Variants in CFAP77 observed in about 807,000 individuals in gnomAD.
CFAP77 encodes cilia- and flagella-associated protein 77.
Under a neutral mutation model 31.1 loss-of-function variants are expected in CFAP77, and 25 were observed. That is an observed-to-expected ratio of 0.80 (90% CI 0.59 to 1.12). The LOEUF (loss-of-function observed/expected upper bound fraction) is 1.12, where lower values mean the gene tolerates loss of function less well. CFAP77 is among the 50% of genes most tolerant of loss of function. The pLI is 0.00. For synonymous variants in CFAP77, 151 were observed against 159.9 expected (o/e 0.94, Z 0.42); for missense variants, 377 against 397.3 (o/e 0.95, Z 0.44).
At chr9:132,550,821 G>A (rs1852810504) in intron 5 of CFAP77, among the ~76,000 whole-genome samples, 1 of 152,120 alleles carries the variant, frequency 6.6e-6, no homozygotes, top group East Asian at 1.9e-4. Flanking sequence ...ACCTGACATG[G>A]TGCCATCTGA....
chr9:132,537,094 G>A (rs1205606568), intron 3 of CFAP77, among the ~76,000 whole-genome samples: 1 of 152,272 alleles, frequency 6.6e-6, no homozygotes, highest in East Asian at 1.9e-4. Context: ...CAGAAGTGGG[G>A]ATGTTTAGCT....
intron 3 of CFAP77, among the ~76,000 whole-genome samples, chr9:132,530,790 G>GT (rs201872310): frequency 0.015 from 2,290 of 152,204 alleles, 54 homozygotes; most frequent in African/African-American, 0.053. Context: ...CAATTTATCA[G>GT]TTTTTTTCTT....
At position 132,424,415 on chromosome 9, in the gene CFAP77, AAG is replaced by A. The variant is rs1333376381; in HGVS notation, c.195+13952_195+13953del. On this transcript the variant is annotated intron_variant, in intron 1 of 5. Coordinates refer to ENST00000393216, the MANE Select transcript of CFAP77 (RefSeq NM_001282957.2). This position sits in a 1 kb window ranked among gnomAD's most constrained non-coding sequence, Gnocchi z 4.1. ...AGACTCCATCTCAAAACAAAAAAAAAAGAGTTAGGAAGAGGGAGCAGCCCTGG... is the reference window on the plus strand; with the variant it reads ...AGACTCCATCTCAAAACAAAAAAAAAAGTTAGGAAGAGGGAGCAGCCCTGG... 6.6e-6 allele frequency among the ~76,000 whole-genome samples: 1 copy of A among 152,074 alleles called. No individual in the cohort carries two copies. Among genetic ancestry groups the A allele is most frequent in the Non-Finnish European group, 1.5e-5 (1 of 67,986 alleles).
chr9:132,534,071 G>A (rs1037165503), intron 3 of CFAP77, among the ~76,000 whole-genome samples: 8 of 152,010 alleles, frequency 5.3e-5, no homozygotes, highest in African/African-American at 1.7e-4. Context: ...GATAACTGGG[G>A]TCAATTTTAT....
chr9:132,452,761 C>T (rs12003350), intron 1 of CFAP77, among the ~76,000 whole-genome samples: 1 of 152,126 alleles, frequency 6.6e-6, no homozygotes, highest in South Asian at 2.1e-4. Context: ...GATGGGGTGC[C>T]TCATGCAGCA....
chr9:132,435,392 T>C (rs1020916020), intron 1 of CFAP77, among the ~76,000 whole-genome samples: 3 of 152,244 alleles, frequency 2.0e-5, no homozygotes, highest in Non-Finnish European at 4.4e-5. Flanking sequence ...CATTCATCAC[T>C]GCTCTGCCCA....
chr9:132,499,524 A>G lies in CFAP77; in HGVS notation c.448A>G (p.Ser150Gly), dbSNP rs891275054. ...LYRQLNDIRI[S>G]DQDDRRMKKE... is the part of the protein sequence containing the mutation. ...CCGTCAGCTCAATGACATCCGCATC[A>G]GTGACCAGGATGACCGGCGCATGAA... Residue 150 changes from serine to glycine, a missense_variant, in exon 3 of 6, where the codon AGT (serine) becomes GGT (glycine). Physicochemically the swap from Ser to Gly is moderately conservative, Grantham distance 56. Transcript: ENST00000393216. This position sits in a 1 kb window ranked among gnomAD's most constrained non-coding sequence, Gnocchi z 5.4. 1.2e-6 allele frequency: 2 copies of G among 1,614,070 alleles called. No individual in the cohort carries two copies. Among genetic ancestry groups the G allele is most frequent in the Admixed American group, 3.3e-5 (2 of 60,016 alleles).
At chr9:132,520,343 T>G (rs540006358) in intron 3 of CFAP77, among the ~76,000 whole-genome samples, 7 of 152,250 alleles carry the variant, frequency 4.6e-5, no homozygotes, top group Non-Finnish European at 7.4e-5. Flanking sequence ...GGGTATCCAA[T>G]GAAGATATAG....
At chr9:132,462,290 T>C (rs1851064758) in intron 1 of CFAP77, among the ~76,000 whole-genome samples, 1 of 151,936 alleles carries the variant, frequency 6.6e-6, no homozygotes, top group South Asian at 2.1e-4. Flanking sequence ...TCTAAGTACG[T>C]GCAAGTGGTC....
At chr9:132,422,999 C>A (rs906528749) in intron 1 of CFAP77, among the ~76,000 whole-genome samples, 1 of 152,146 alleles carries the variant, frequency 6.6e-6, no homozygotes, top group African/African-American at 2.4e-5. Flanking sequence ...CGCCGCGCTC[C>A]GTATTTTCAC....
At chr9:132,470,027 C>T (rs1023496849) in intron 1 of CFAP77, among the ~76,000 whole-genome samples, 4 of 151,934 alleles carry the variant, frequency 2.6e-5, no homozygotes, top group African/African-American at 4.8e-5. Flanking sequence ...TTAGTAGAGA[C>T]GGGGTTTCTC....
chr9:132,471,945 G>A (rs1036325596), intron 1 of CFAP77, among the ~76,000 whole-genome samples: 6 of 152,106 alleles, frequency 3.9e-5, no homozygotes, highest in Non-Finnish European at 7.3e-5. Context: ...CAAACTCCTG[G>A]ACTCAATCTG....
intron 1 of CFAP77, among the ~76,000 whole-genome samples, chr9:132,442,508 G>A (rs1850629362): frequency 3.3e-5 from 5 of 152,068 alleles, no homozygotes; most frequent in South Asian, 2.1e-4. Context: ...AGCTGAGATC[G>A]AGCCACTGCA....
At chr9:132,470,652 C>T (rs1390079900) in intron 1 of CFAP77, among the ~76,000 whole-genome samples, 2 of 152,254 alleles carry the variant, frequency 1.3e-5, no homozygotes, top group Non-Finnish European at 2.9e-5. Context: ...GACACAGCAG[C>T]AGGCCCACAG....
At chr9:132,520,060 C>G (rs1279756132) in intron 3 of CFAP77, among the ~76,000 whole-genome samples, 2 of 151,704 alleles carry the variant, frequency 1.3e-5, no homozygotes, top group African/African-American at 2.4e-5. Flanking sequence ...CTTGGGCCCT[C>G]AAATCCTGTA....
Position 132,559,346 on chromosome 9 carries a change from C to CAAAAAAAAAAAA in CFAP77, c.733-13033_733-13022dup, listed in dbSNP as rs35737685. Among the ~76,000 whole-genome samples, 43 of 56,076 alleles carry CAAAAAAAAAAAA rather than the reference C, an allele frequency of 7.7e-4. 1 individual carries two copies. The highest frequency in any genetic ancestry group is 4.0e-3 in the South Asian group (6 of 1,488). 36.8% of individuals were successfully genotyped at this position (56,076 alleles called of 152,430 possible). A position where few individuals can be genotyped will look rare whatever the true frequency, so the allele number is the denominator to read the frequency against. On this transcript the variant is annotated intron_variant, in intron 5 of 5. Coordinates refer to ENST00000393216, the MANE Select transcript of CFAP77 (RefSeq NM_001282957.2). Reference sequence around the variant, plus strand: ...CGCGTCAGAGTGAGACTCTGTCTTGCAAAAAAAAAAAAAAAAAAAAGGCAA... The same window carrying CAAAAAAAAAAAA: ...CGCGTCAGAGTGAGACTCTGTCTTGCAAAAAAAAAAAAAAAAAAAAAAAAAAAAAAAAGGCAA...
intron 3 of CFAP77, among the ~76,000 whole-genome samples, chr9:132,509,212 G>A (rs1429675005): frequency 6.6e-6 from 1 of 152,234 alleles, no homozygotes; most frequent in East Asian, 1.9e-4. Context: ...GCATGGTGAG[G>A]TTCTGTCCCT....
At chr9:132,438,541 A>ATATATATATATTTT in intron 1 of CFAP77, among the ~76,000 whole-genome samples, 2 of 108,128 alleles carry the variant, frequency 1.8e-5, no homozygotes, top group African/African-American at 8.1e-5. Flanking sequence ...ATATATATAT[A>ATATATATATATTTT]TTTTTTTTTT....
In CFAP77 at chr9:132,498,890, G is replaced by A; in HGVS notation, c.295+96G>A. 2.2e-6 allele frequency: 2 copies of A among 894,156 alleles called. No individual in the cohort carries two copies. Among genetic ancestry groups the A allele is most frequent in the Non-Finnish European group, 3.5e-6 (2 of 574,352 alleles). 55.4% of individuals were successfully genotyped at this position (894,156 alleles called of 1,614,324 possible). A position where few individuals can be genotyped will look rare whatever the true frequency, so the allele number is the denominator to read the frequency against. On this transcript the variant is annotated intron_variant, in intron 2 of 5. Transcript: ENST00000393216. This position sits in a 1 kb window ranked among gnomAD's most constrained non-coding sequence, Gnocchi z 4.2. ...TGACCTAGCTCGCTGCTTGGCAGCT[G>A]GTTGGGTGCTGGAGAAAGACCCAGG...
Sources: allele counts gnomAD v4.1 joint callset (sites outside exome capture counted in the v4.1 genomes callset), GRCh38; gene constraint gnomAD v4.1.1; non-coding constraint Gnocchi (gnomAD v3.1); transcripts MANE v1.5; gene names NCBI Gene and HGNC (gene_info 2026-07-23, HGNC 2026-07-21).